Variants in SLC12A8 observed in about 807,000 individuals in gnomAD.
The protein encoded by SLC12A8 is solute carrier family 12 member 8, also known as cation-chloride cotransporter 9.
In SLC12A8, 69 loss-of-function variants were observed where a neutral mutation model predicts 75.6. That is an observed-to-expected ratio of 0.91 (90% CI 0.75 to 1.11). The LOEUF (loss-of-function observed/expected upper bound fraction) is 1.11, where lower values mean the gene tolerates loss of function less well. SLC12A8 is among the 50% of genes most tolerant of loss of function. The pLI is 0.00. For synonymous variants in SLC12A8, 365 were observed against 372.8 expected (o/e 0.98, Z 0.24); for missense variants, 877 against 896.7 (o/e 0.98, Z 0.28).
intron 4 of SLC12A8, among the ~76,000 whole-genome samples, chr3:125,179,963 T>C (rs1934618769): frequency 6.6e-6 from 1 of 152,122 alleles, no homozygotes; most frequent in African/African-American, 2.4e-5. Flanking sequence ...CTTTCCCAGG[T>C]ACCTGATGTC....
intron 5 of SLC12A8, among the ~76,000 whole-genome samples, chr3:125,164,879 T>C (rs1200310528): frequency 6.6e-6 from 1 of 152,178 alleles, no homozygotes; most frequent in Non-Finnish European, 1.5e-5. Context: ...GATTCTTCTT[T>C]CCACACCTGA....
chr3:125,097,276 C>A (rs1392764656), intron 10 of SLC12A8, among the ~76,000 whole-genome samples: 1 of 151,996 alleles, frequency 6.6e-6, no homozygotes, highest in Non-Finnish European at 1.5e-5. Flanking sequence ...GTAATCCCAG[C>A]TACTTGGGAG....
At position 125,107,621 on chromosome 3, in the gene SLC12A8, C is replaced by T; in HGVS notation, c.1565G>A (p.Arg522Lys). The change falls in exon 10 of 14, where the codon AGG becomes AAG. Residue 522 changes from arginine (R) to lysine (K), a missense_variant. Transcript: ENST00000469902. Reference protein sequence around the residue: ...PPSFPVEISDRLPAASWEGQE... With the variant: ...PPSFPVEISDKLPAASWEGQE... ...CCCCTCCCAGGAGGCAGCGGGCAAC[C>T]TGTCAGAGATCTCGACAGGGAAAGA... is the stretch of plus-strand genomic sequence containing the variant. 6.2e-7 allele frequency: 1 copy of T among 1,614,194 alleles called. No individual in the cohort carries two copies.
chr3:125,102,022 A>C (rs1189996153), intron 10 of SLC12A8, among the ~76,000 whole-genome samples: 1 of 152,234 alleles, frequency 6.6e-6, no homozygotes, highest in African/African-American at 2.4e-5. Context: ...TTTCCTTAAG[A>C]TAGACAAATA....
chr3:125,161,067 C>G (rs1055881061), intron 5 of SLC12A8, among the ~76,000 whole-genome samples: 15 of 152,224 alleles, frequency 9.9e-5, no homozygotes, highest in Admixed American at 4.6e-4. Flanking sequence ...CACAGTCTAT[C>G]ATCCCAAACT....
chr3:125,129,417 T>TC (rs979873734), intron 6 of SLC12A8, among the ~76,000 whole-genome samples: 34 of 151,782 alleles, frequency 2.2e-4, no homozygotes, highest in African/African-American at 7.3e-4. Flanking sequence ...CACTCCAAGC[T>TC]CCCCCCACTC....
intron 5 of SLC12A8, among the ~76,000 whole-genome samples, chr3:125,141,522 G>A (rs1020239250): frequency 6.6e-6 from 1 of 152,242 alleles, no homozygotes; most frequent in Non-Finnish European, 1.5e-5. Context: ...GGTGGCACCT[G>A]CGGTGCCCCC....
intron 10 of SLC12A8, among the ~76,000 whole-genome samples, chr3:125,101,019 C>CAAAAAA (rs59602383): frequency 1.7e-4 from 15 of 86,718 alleles, no homozygotes; most frequent in Admixed American, 5.6e-4. Flanking sequence ...GACTCCGTCT[C>CAAAAAA]AAAAAAAAAA....
At chr3:125,145,559 ATGT>A (rs1192203835) in intron 5 of SLC12A8, among the ~76,000 whole-genome samples, 4 of 152,200 alleles carry the variant, frequency 2.6e-5, no homozygotes, top group African/African-American at 9.7e-5. Context: ...AAAAGGACAA[ATGT>A]TGTATAATTC....
intron 5 of SLC12A8, among the ~76,000 whole-genome samples, chr3:125,164,022 C>T (rs546319606): frequency 2.6e-5 from 4 of 152,332 alleles, no homozygotes; most frequent in South Asian, 2.1e-4. Context: ...ATGTTTTAGC[C>T]GCCTCAGCTC....
At chr3:125,208,828 A>C (rs1464482553) in intron 2 of SLC12A8, among the ~76,000 whole-genome samples, 4 of 139,838 alleles carry the variant, frequency 2.9e-5, no homozygotes, top group African/African-American at 8.6e-5. Context: ...AGAGAGAGCT[A>C]CCCTATCTGG....
chr3:125,208,781 C>G (rs962265174), intron 2 of SLC12A8, among the ~76,000 whole-genome samples: 206 of 117,990 alleles, frequency 1.7e-3, no homozygotes, highest in African/African-American at 5.4e-3. Context: ...CACACACACA[C>G]ACACACACAC....
At chr3:125,160,354 A>C (rs1934140800) in intron 5 of SLC12A8, among the ~76,000 whole-genome samples, 2 of 152,250 alleles carry the variant, frequency 1.3e-5, no homozygotes, top group African/African-American at 4.8e-5. Flanking sequence ...GTAAGAGTTA[A>C]ATGAATTAAT....
chr3:125,110,118 T>G lies in SLC12A8; in HGVS notation c.1059+71A>C, dbSNP rs79119199. ...CTCTGATCAGAAAAGCTTAACCAAT[T>G]GATGGGCCAACAGTGAGGTTAGCAG... On this transcript the variant is annotated intron_variant, in intron 9 of 13. Coordinates refer to ENST00000469902, the MANE Select transcript of SLC12A8 (RefSeq NM_024628.6). The G allele has an allele frequency of 5.9e-5, 88 of 1,494,414 alleles. No homozygotes were observed. In the East Asian group the frequency reaches 2.0e-3, roughly 34 times the overall value. The allele number at this position is 1,494,414 out of a possible 1,614,324, so 92.6% of individuals were successfully genotyped here. A position where few individuals can be genotyped will look rare whatever the true frequency, so the allele number is the denominator to read the frequency against.
intron 5 of SLC12A8, among the ~76,000 whole-genome samples, chr3:125,162,476 A>G (rs1187367423): frequency 4.6e-5 from 7 of 152,200 alleles, no homozygotes; most frequent in African/African-American, 1.7e-4. Flanking sequence ...GACAAAGCCA[A>G]CGGAGGGTGG....
chr3:125,131,336 C>T (rs1040554969), intron 6 of SLC12A8, among the ~76,000 whole-genome samples: 2 of 152,156 alleles, frequency 1.3e-5, no homozygotes, highest in Admixed American at 6.5e-5. Flanking sequence ...AACTATCACA[C>T]AGTTTGTGGG....
intron 6 of SLC12A8, chr3:125,120,937 T>G (rs79020286): frequency 1.5e-6 from 1 of 686,132 alleles, no homozygotes; most frequent in Non-Finnish European, 2.6e-6. Context: ...TCCAAAAGCA[T>G]CCTACCGCTC....
chr3:125,084,955 G>A (rs1938422536), intron 13 of SLC12A8, among the ~76,000 whole-genome samples: 1 of 152,138 alleles, frequency 6.6e-6, no homozygotes, highest in Non-Finnish European at 1.5e-5. Flanking sequence ...TTTGAATATG[G>A]AATACATTTG....
At position 125,091,522 on chromosome 3, in the gene SLC12A8, T is replaced by C; in HGVS notation, c.1838A>G (p.Gln613Arg). 1 of 1,613,978 alleles carries C rather than the reference T, an allele frequency of 6.2e-7. No individual in the cohort carries two copies. The highest frequency in any genetic ancestry group is 8.5e-7 in the Non-Finnish European group (1 of 1,179,852). The change falls in exon 12 of 14, where the codon CAG (glutamine) becomes CGG (arginine). Residue 613 changes from glutamine (Q) to arginine (R), a missense_variant. Transcript: ENST00000469902. ...CATGTTAACCAGGGTATACACCCAC[T>C]GTATCACAAACATGATGAGAAGGGA... ...VGSLLIMFVI[Q>R]WVYTLVNMGV...
Sources: allele counts gnomAD v4.1 joint callset (sites outside exome capture counted in the v4.1 genomes callset), GRCh38; gene constraint gnomAD v4.1.1; transcripts MANE v1.5; gene names NCBI Gene and HGNC (gene_info 2026-07-23, HGNC 2026-07-21).